Variants in TAF1 observed in about 807,000 individuals in gnomAD.
The protein encoded by TAF1 is TATA-box binding protein associated factor 1, also known as transcription initiation factor TFIID subunit 1.
TAF1 carries 2 observed loss-of-function variants against 138.5 expected under a neutral mutation model. The ratio of observed to expected loss-of-function variants is 0.01; its 90% CI spans 0.01 to 0.05. The LOEUF (loss-of-function observed/expected upper bound fraction) is 0.05, where lower values mean the gene tolerates loss of function less well. Ranked by LOEUF, TAF1 falls within the 10% of genes least tolerant of loss-of-function variation. The pLI, the probability that TAF1 is intolerant of heterozygous loss-of-function variation, is 1.00. For synonymous variants in TAF1, 437 were observed against 503.2 expected (o/e 0.87, Z 1.76); for missense variants, 709 against 1,478.0 (o/e 0.48, Z 8.53).
intron 15 of TAF1, among the ~76,000 whole-genome samples, chrX:71,387,993 T>C (rs1055760813): frequency 2.7e-5 from 3 of 110,080 alleles, no homozygotes; most frequent in Non-Finnish European, 5.7e-5. Flanking sequence ...CCAGCTACTC[T>C]GGAGGCTGAG....
chrX:71,406,058 A>C (rs2035449278), intron 25 of TAF1, among the ~76,000 whole-genome samples: 1 of 107,076 alleles, frequency 9.3e-6, no homozygotes, highest in African/African-American at 3.4e-5. Context: ...GCTGGGTTCG[A>C]TGGCTCACAC....
intron 35 of TAF1, chrX:71,459,036 C>T (rs1420635147): frequency 9.5e-6 from 4 of 421,031 alleles, no homozygotes; most frequent in Non-Finnish European, 3.8e-6. Context: ...CCCCCACTAG[C>T]AGTGGGATTG....
chrX:71,467,898 A>G (rs2038798412), downstream of TAF1, among the ~76,000 whole-genome samples: 1 of 112,039 alleles, frequency 8.9e-6, no homozygotes, highest in African/African-American at 3.2e-5. Context: ...GCCCTGAAAC[A>G]CTGCTTGGGA....
At chrX:71,393,815 CTA>C in intron 21 of TAF1, among the ~76,000 whole-genome samples, 1 of 111,822 alleles carries the variant, frequency 8.9e-6, no homozygotes. Context: ...TGTTAATACA[CTA>C]TTAAAAATGA....
chrX:71,529,385 G>C (rs973895721), intron 14 of TAF1: 2 of 136,399 alleles, frequency 1.5e-5, no homozygotes, highest in African/African-American at 6.5e-5. Context: ...CATTTTTACA[G>C]AGTGCTGATT....
At chrX:71,400,590 TG>T (rs750930887) in intron 24 of TAF1, among the ~76,000 whole-genome samples, 2 of 111,939 alleles carry the variant, frequency 1.8e-5, no homozygotes, top group East Asian at 5.6e-4. Flanking sequence ...TGTGGTACAG[TG>T]GAAAGAGCCA....
intron 35 of TAF1, 196 bp from the exon 36 acceptor site, chrX:71,459,356 C>T: frequency 2.0e-6 from 2 of 992,253 alleles, no homozygotes; most frequent in Non-Finnish European, 2.7e-6. Context: ...AGGGGGTCTC[C>T]TTAGTGAGCC....
intron 34 of TAF1, among the ~76,000 whole-genome samples, chrX:71,455,300 C>T (rs1170043440): frequency 9.0e-6 from 1 of 111,337 alleles, no homozygotes; most frequent in East Asian, 2.8e-4. Context: ...TCAGAAGTCA[C>T]CCATTTTCCT....
At chrX:71,519,511 C>T (rs2039888736) in intron 13 of TAF1, among the ~76,000 whole-genome samples, 1 of 105,596 alleles carries the variant, frequency 9.5e-6, no homozygotes, top group Non-Finnish European at 1.9e-5. Context: ...GGCGTGGTGG[C>T]GGGCGCCTGT....
intron 3 of TAF1, among the ~76,000 whole-genome samples, chrX:71,373,645 A>G (rs746592668): frequency 5.4e-5 from 6 of 112,072 alleles, no homozygotes; most frequent in South Asian, 3.7e-4. Flanking sequence ...GCTGTTAAAT[A>G]TCTGAGTAGA....
intron 1 of TAF1, among the ~76,000 whole-genome samples, chrX:71,366,982 C>A (rs1326335350): frequency 8.9e-6 from 1 of 112,051 alleles, no homozygotes; most frequent in Non-Finnish European, 1.9e-5. Context: ...CACAGTGCGC[C>A]TTTTAGGTGG....
intron 28 of TAF1, among the ~76,000 whole-genome samples, chrX:71,409,993 A>G (rs2035686083): frequency 9.3e-6 from 1 of 107,901 alleles, no homozygotes. Flanking sequence ...CCCAGGTTCC[A>G]GTGATTTTCC....
chrX:71,392,928 C>T lies in TAF1; in HGVS notation c.2985C>T (p.Asp995=), dbSNP rs533924711. 1.5e-4 allele frequency: 181 copies of T among 1,209,332 alleles called. 3 individuals are homozygous for T. The South Asian group carries it at 2.9e-3, about 19-fold the overall frequency. ...AGACAGTGACAGGAACAGATGCAGACCTTCGTCGCCTTTCCCTGAAAAATG... is the reference window on the plus strand; with the variant it reads ...AGACAGTGACAGGAACAGATGCAGATCTTCGTCGCCTTTCCCTGAAAAATG... ...VKKTVTGTDA[D]LRRLSLKNAK... The change falls in exon 20 of 38, where the codon GAC becomes GAT. Residue 995 remains aspartate, a synonymous_variant. Transcript: ENST00000423759.
intron 13 of TAF1, among the ~76,000 whole-genome samples, chrX:71,506,969 C>A (rs1198174385): frequency 9.0e-6 from 1 of 111,616 alleles, no homozygotes; most frequent in African/African-American, 3.3e-5. Context: ...AAGACAGACA[C>A]AAAGGTCACA....
chrX:71,402,615 T>G (rs759973494), intron 25 of TAF1, among the ~76,000 whole-genome samples: 2 of 112,281 alleles, frequency 1.8e-5, no homozygotes, highest in East Asian at 5.6e-4. Context: ...TGTCTTGCCC[T>G]CAGAGAGTTT....
chrX:71,440,006 T>C (rs1410789254), intron 32 of TAF1, among the ~76,000 whole-genome samples: 3 of 111,396 alleles, frequency 2.7e-5, no homozygotes. Flanking sequence ...GTGCCATATA[T>C]ATGTTCCTGT....
intron 28 of TAF1, among the ~76,000 whole-genome samples, chrX:71,412,691 G>A (rs1188583796): frequency 1.8e-5 from 2 of 111,458 alleles, no homozygotes; most frequent in South Asian, 3.8e-4. Context: ...GGGTTCAGGC[G>A]ATTCTCCTGC....
At chrX:71,494,770 CAGTG>C (rs1470383865) in intron 13 of TAF1, among the ~76,000 whole-genome samples, 2 of 112,238 alleles carry the variant, frequency 1.8e-5, no homozygotes, top group Non-Finnish European at 3.8e-5. Flanking sequence ...TGGGCCCAAA[CAGTG>C]AGCAGCAGCA....
chrX:71,476,067 C>T (rs1220067665), intron 13 of TAF1, among the ~76,000 whole-genome samples: 1 of 111,893 alleles, frequency 8.9e-6, no homozygotes, highest in Non-Finnish European at 1.9e-5. Context: ...GCTTCCTGTA[C>T]AGCCTACAGA....
Sources: allele counts gnomAD v4.1 joint callset (sites outside exome capture counted in the v4.1 genomes callset), GRCh38; gene constraint gnomAD v4.1.1; transcripts MANE v1.5; gene names NCBI Gene and HGNC (gene_info 2026-07-23, HGNC 2026-07-21).